The following PTPRS variants were observed in gnomAD, a reference collection of about 807,000 sequenced individuals.
The protein encoded by PTPRS is receptor-type tyrosine-protein phosphatase S.
A neutral mutation model predicts 215.3 loss-of-function variants in PTPRS; 63 were observed. That is an observed-to-expected ratio of 0.29 (90% confidence interval 0.24 to 0.36). The LOEUF (loss-of-function observed/expected upper bound fraction) is 0.36. PTPRS is among the 10% of genes least tolerant of loss of function. PTPRS has a pLI of 1.00. For synonymous variants in PTPRS, 1,404 were observed against 1,191.4 expected, an observed-to-expected ratio of 1.18 and a Z score of -3.68; for missense variants, 2,258 against 2,825.8, an observed-to-expected ratio of 0.80 and a Z score of 4.56.
intron 1 of PTPRS, among the ~76,000 whole-genome samples, chr19:5,326,445 A>G (rs904365862): frequency 9.2e-5 from 14 of 152,236 alleles, no homozygotes; most frequent in Non-Finnish European, 1.5e-4. Context: ...TGTACCTTCA[A>G]GGACATACCA....
At chr19:5,207,157 T>A (rs2040434310) in intron 37 of PTPRS, among the ~76,000 whole-genome samples, 1 of 152,248 alleles carries the variant, frequency 6.6e-6, no homozygotes, top group Non-Finnish European at 1.5e-5. Context: ...CCATCTTGGC[T>A]CCCTGCAACC....
intron 9 of PTPRS, among the ~76,000 whole-genome samples, chr19:5,251,801 G>A (rs2045111682): frequency 1.3e-5 from 2 of 152,062 alleles, no homozygotes; most frequent in African/African-American, 2.4e-5. Flanking sequence ...GTCTGGGTCT[G>A]ATCTAACACT....
rs1366172349 is a variant in PTPRS, at chr19:5,221,092, C to G, written c.3363G>C (p.Leu1121=). The change falls in exon 20 of 38, where the codon CTG becomes CTC. Residue 1121 remains leucine, a synonymous_variant. Coordinates refer to ENST00000262963, the MANE Select transcript of PTPRS (RefSeq NM_002850.4). ...QTVTAWTAFN[L]LNGKPSVAPK... ...GGGCGACGCTGGGCTTGCCGTTGAGCAGGTTGAAGGCAGTCCAGGCGGTGA... is the reference window on the plus strand; with the variant it reads ...GGGCGACGCTGGGCTTGCCGTTGAGGAGGTTGAAGGCAGTCCAGGCGGTGA... The G allele has an allele frequency of 2.5e-6, 4 of 1,613,990 alleles. No individual in the cohort carries two copies. In the Admixed American group the frequency reaches 6.7e-5, roughly 27 times the overall value.
At chr19:5,208,808 C>T (rs768417593) in intron 35 of PTPRS, among the ~76,000 whole-genome samples, 2 of 152,110 alleles carry the variant, frequency 1.3e-5, no homozygotes, top group Admixed American at 6.5e-5. Flanking sequence ...GTATGACATC[C>T]AGCACCTCCA....
Position 5,231,371 on chromosome 19 carries a change from A to G in PTPRS, c.2094T>C (p.Ala698=), listed in dbSNP as rs1200990727. Reference sequence around the variant, plus strand: ...CGGGCCCTGGTCCCACCTCTGTGTGAGCGACAGTCGTGATGCGGTACTGGG... The same window carrying G: ...CGGGCCCTGGTCCCACCTCTGTGTGGGCGACAGTCGTGATGCGGTACTGGG... ...KWTQYRITTV[A]HTEVGPGPES... Residue 698 remains alanine (A), a synonymous_variant, in exon 14 of 38, where the codon GCT becomes GCC. Transcript: ENST00000262963. 1.2e-6 allele frequency: 2 copies of G among 1,612,596 alleles called. No homozygotes were observed. Among genetic ancestry groups the G allele is most frequent in the Non-Finnish European group, 1.7e-6 (2 of 1,179,862 alleles).
At chr19:5,261,687 C>A (rs112324633) in intron 6 of PTPRS, among the ~76,000 whole-genome samples, 1 of 152,158 alleles carries the variant, frequency 6.6e-6, no homozygotes, top group Non-Finnish European at 1.5e-5. Flanking sequence ...ATTTTGCAGA[C>A]GGGCCAACTG....
At chr19:5,282,369 C>T (rs1465019259) in intron 2 of PTPRS, among the ~76,000 whole-genome samples, 4 of 152,184 alleles carry the variant, frequency 2.6e-5, no homozygotes, top group African/African-American at 9.7e-5. Flanking sequence ...AGCTTCCCCA[C>T]CTTTTTCTCA....
intron 25 of PTPRS, among the ~76,000 whole-genome samples, chr19:5,218,047 T>C (rs2041643138): frequency 6.6e-6 from 1 of 151,904 alleles, no homozygotes; most frequent in African/African-American, 2.4e-5. Context: ...AAACCTCAAC[T>C]CCCACCACCG....
At chr19:5,245,370 C>G (rs1228074793) in intron 10 of PTPRS, among the ~76,000 whole-genome samples, 1 of 151,902 alleles carries the variant, frequency 6.6e-6, no homozygotes, top group African/African-American at 2.4e-5. Context: ...CTCACTGCAG[C>G]CTTGAACTCC....
At chr19:5,206,912 C>G in intron 37 of PTPRS, 70 bp from the exon 38 acceptor site, 2 of 1,422,340 alleles carry the variant, frequency 1.4e-6, no homozygotes, top group South Asian at 2.3e-5. Flanking sequence ...CTATCGCCCT[C>G]AGGAGCAGGC....
At chr19:5,306,704 T>C (rs1600087522) in intron 1 of PTPRS, among the ~76,000 whole-genome samples, 1 of 152,102 alleles carries the variant, frequency 6.6e-6, no homozygotes, top group Non-Finnish European at 1.5e-5. Context: ...TGGGGAAGCA[T>C]TTTTGTCTCT....
At position 5,210,493 on chromosome 19, in the gene PTPRS, T is replaced by C. The variant is rs757021272; in HGVS notation, c.5463A>G (p.Arg1821=). The part of the protein sequence containing the change: ...AEYNMPQYIL[R]EFKVTDARDG... Reference sequence around the variant, plus strand: ...CCCGGGCATCTGTGACCTTGAACTCTCGCAGGATATACTGAGGCATGTTGT... The same window carrying C: ...CCCGGGCATCTGTGACCTTGAACTCCCGCAGGATATACTGAGGCATGTTGT... Residue 1821 remains arginine, a synonymous_variant, in exon 35 of 38, where the codon CGA becomes CGG. Transcript: ENST00000262963. The surrounding 1 kb of genome is among the most constrained non-coding windows in gnomAD (Gnocchi z 4.5). 1.9e-6 allele frequency: 3 copies of C among 1,614,070 alleles called. No individual in the cohort carries two copies. Among genetic ancestry groups the C allele is most frequent in the Non-Finnish European group, 2.5e-6 (3 of 1,180,038 alleles).
intron 23 of PTPRS, 39 bp from the exon 24 acceptor site, chr19:5,218,837 AAAG>A (rs752309451): frequency 1.6e-5 from 25 of 1,573,080 alleles, no homozygotes; most frequent in African/African-American, 8.2e-5. Context: ...AGGGGGAAAA[AAAG>A]AAGAAAGGTG....
intron 1 of PTPRS, among the ~76,000 whole-genome samples, chr19:5,317,943 G>A (rs184696790): frequency 2.0e-5 from 3 of 152,272 alleles, no homozygotes; most frequent in East Asian, 3.9e-4. Context: ...ATGCCGAGGC[G>A]GGCGGACCAT....
In PTPRS at chr19:5,258,005, G is replaced by A. The variant is rs780426539; in HGVS notation, c.706+12C>T. 19 of 1,609,806 alleles carry A rather than the reference G, an allele frequency of 1.2e-5. No individual in the cohort carries two copies. Among genetic ancestry groups the A allele is most frequent in the East Asian group, 2.2e-5 (1 of 44,842 alleles). Reference sequence around the variant, plus strand: ...GGGTCCCTGCCTTTGACCTGGACGCGGCGTTCCCTACCTCGCACGTAGAGG... The same window carrying A: ...GGGTCCCTGCCTTTGACCTGGACGCAGCGTTCCCTACCTCGCACGTAGAGG... On this transcript the variant is annotated intron_variant, in intron 8 of 37. Coordinates refer to ENST00000262963, the MANE Select transcript of PTPRS (RefSeq NM_002850.4).
chr19:5,216,677 G>C (rs1599407016), intron 26 of PTPRS, 43 bp downstream of exon 26: 2 of 1,453,624 alleles, frequency 1.4e-6, no homozygotes, highest in Non-Finnish European at 1.9e-6. Context: ...AAATGAACGG[G>C]GGCGGGGGCG....
intron 4 of PTPRS, among the ~76,000 whole-genome samples, chr19:5,269,084 C>T (rs1223648654): frequency 6.6e-6 from 1 of 152,142 alleles, no homozygotes; most frequent in Non-Finnish European, 1.5e-5. Flanking sequence ...GGTCTGTCGG[C>T]ATCCCCCTGT....
rs374753082 is a variant in PTPRS, at chr19:5,257,979, C to T, written c.706+38G>A. Reference sequence around the variant, plus strand: ...GAGGAGGGAGGGGGATGGGACGGGGCGGGTCCCTGCCTTTGACCTGGACGC... The same window carrying T: ...GAGGAGGGAGGGGGATGGGACGGGGTGGGTCCCTGCCTTTGACCTGGACGC... On this transcript the variant is annotated intron_variant, in intron 8 of 37. Transcript: ENST00000262963. This position sits in a 1 kb window ranked among gnomAD's most constrained non-coding sequence, Gnocchi z 4.4. 1.7e-4 allele frequency: 268 copies of T among 1,555,734 alleles called. No homozygotes were observed. The highest frequency in any genetic ancestry group is 2.1e-4 in the Non-Finnish European group (240 of 1,134,090).
At chr19:5,265,791 C>T (rs561031393) in intron 4 of PTPRS, among the ~76,000 whole-genome samples, 1 of 149,824 alleles carries the variant, frequency 6.7e-6, no homozygotes, top group Admixed American at 6.7e-5. Flanking sequence ...GGGGTCAGGA[C>T]TTGGGGGTGG....
Sources: allele counts gnomAD v4.1 joint callset (sites outside exome capture counted in the v4.1 genomes callset), GRCh38; gene constraint gnomAD v4.1.1; non-coding constraint Gnocchi (gnomAD v3.1); transcripts MANE v1.5; gene names NCBI Gene and HGNC (gene_info 2026-07-23, HGNC 2026-07-21).